MACF1: variants seen among roughly 807,000 people sequenced by gnomAD.
The protein encoded by MACF1 is microtubule-actin cross-linking factor 1.
MACF1 carries 193 observed loss-of-function variants against 854.8 expected under a neutral mutation model. That is an observed-to-expected ratio of 0.23 (90% CI 0.20 to 0.25). The LOEUF is 0.25. Among genes scored for constraint, MACF1 ranks in the 10% least tolerant of loss-of-function variants. The probability of loss-of-function intolerance (pLI) is 1.00; values close to 1 mark genes in which losing one functional copy is unlikely to be tolerated. For synonymous variants in MACF1, 3,185 were observed against 3,226.7 expected (o/e 0.99, Z 0.44); for missense variants, 7,722 against 8,929.1 (o/e 0.86, Z 5.45).
In MACF1 at chr1:39,337,215, G is replaced by A; in HGVS notation, c.10099G>A (p.Asp3367Asn). Reference sequence around the variant, plus strand: ...TACCCGGCAACTCTGTTTAGAACATGATGAAAAGCTAGTATCCTATCTGTC... The same window carrying A: ...TACCCGGCAACTCTGTTTAGAACATAATGAAAAGCTAGTATCCTATCTGTC... Reference protein sequence around the residue: ...VFTRQLCLEHDEKLVSYLSLL... With the variant: ...VFTRQLCLEHNEKLVSYLSLL... The change falls in exon 38 of 101, where the codon GAT becomes AAT. Residue 3367 changes from aspartate to asparagine, a missense_variant. By Grantham distance (23) the Asp-to-Asn change is conservative. Around this residue, in one of 15 missense-constraint regions of MACF1, gnomAD observed 854 missense variants for 852.6 expected, o/e 1.00. Transcript: ENST00000564288. 6.2e-7 allele frequency: 1 copy of A among 1,613,894 alleles called. No individual in the cohort carries two copies. The highest frequency in any genetic ancestry group is 8.5e-7 in the Non-Finnish European group (1 of 1,179,876).
intron 99 of MACF1, among the ~76,000 whole-genome samples, chr1:39,483,066 G>A (rs1297821377): frequency 5.3e-5 from 6 of 112,602 alleles, no homozygotes; most frequent in Admixed American, 1.2e-4. Context: ...CAGTCTGGGT[G>A]ATGGAGCAAG....
intron 6 of MACF1, among the ~76,000 whole-genome samples, chr1:39,273,717 A>T (rs1645374445): frequency 6.6e-6 from 1 of 151,908 alleles, no homozygotes; most frequent in Admixed American, 6.6e-5. Flanking sequence ...CCTGCCTCAG[A>T]GTAGCTGGGA....
chr1:39,269,386 C>T (rs928489084), intron 6 of MACF1: 19 of 1,289,720 alleles, frequency 1.5e-5, no homozygotes, highest in Middle Eastern at 2.1e-4. Context: ...AAGAGTGTTT[C>T]AGGTGCCCCT....
At chr1:39,373,167 A>G (rs933896880) in intron 52 of MACF1, 3 of 155,606 alleles carry the variant, frequency 1.9e-5, no homozygotes, top group East Asian at 1.9e-4. Context: ...TTAGCCAGGC[A>G]TGGTGGCGGG....
chr1:39,429,942 C>T lies in MACF1; in HGVS notation c.17004C>T (p.Ala5668=). 6.2e-7 allele frequency: 1 copy of T among 1,614,074 alleles called. No homozygotes were observed. Among genetic ancestry groups the T allele is most frequent in the South Asian group, 1.1e-5 (1 of 91,074 alleles). The part of the protein sequence containing the change: ...LRTLEQARQL[A]TKFQSTYEEL... ...CTTTAGAGCAAGCCCGGCAGCTGGCCACCAAGTTCCAGTCTACTTATGAGG... is the reference window on the plus strand; with the variant it reads ...CTTTAGAGCAAGCCCGGCAGCTGGCTACCAAGTTCCAGTCTACTTATGAGG... The change falls in exon 65 of 101, where the codon GCC becomes GCT. Residue 5668 remains alanine (A), a synonymous_variant. Coordinates refer to ENST00000564288, the MANE Select transcript of MACF1 (RefSeq NM_001394062.1).
At chr1:39,280,358 A>T (rs917289181) in intron 6 of MACF1, among the ~76,000 whole-genome samples, 1 of 152,116 alleles carries the variant, frequency 6.6e-6, no homozygotes, top group Non-Finnish European at 1.5e-5. Context: ...GTGATCAATG[A>T]TTCTCAGATT....
intron 6 of MACF1, among the ~76,000 whole-genome samples, chr1:39,273,178 C>T (rs1024709215): frequency 9.5e-5 from 14 of 148,084 alleles, no homozygotes; most frequent in East Asian, 5.9e-4. Context: ...GCTCTGTCAC[C>T]GAGGCTGCAG....
chr1:39,302,224 C>T (rs947339094), intron 22 of MACF1, among the ~76,000 whole-genome samples: 3 of 152,092 alleles, frequency 2.0e-5, no homozygotes, highest in Admixed American at 2.0e-4. Context: ...TCTTGAACTC[C>T]TGGGCTCAAG....
At chr1:39,368,027 T>G in intron 49 of MACF1, 121 bp from the exon 50 acceptor site, 2 of 642,558 alleles carry the variant, frequency 3.1e-6, no homozygotes, top group Non-Finnish European at 2.5e-6. Context: ...TTTCACTGAG[T>G]TGCATATTTA....
chr1:39,463,553 C>A, intron 93 of MACF1, 59 bp from the exon 94 acceptor site: 1 of 1,211,414 alleles, frequency 8.3e-7, no homozygotes, highest in Non-Finnish European at 1.2e-6. Flanking sequence ...ATCTTTGTTT[C>A]TCTGAATAGG....
rs2484748 is a variant in MACF1 at position 39,298,402 on chromosome 1, A to G, written c.2481+657A>G. ...GGAGTGCTGGTAATTAAATTAGCAG[A>G]AAGACTACTTATATTTAGTGAATGT... On this transcript the variant is annotated intron_variant, in intron 21 of 100. Coordinates refer to ENST00000564288, the MANE Select transcript of MACF1 (RefSeq NM_001394062.1). Among the ~76,000 whole-genome samples the G allele has an allele frequency of 7.0e-4, 107 of 152,336 alleles. 1 individual carries two copies. Among genetic ancestry groups the G allele is most frequent in the African/African-American group, 2.5e-3 (102 of 41,576 alleles).
At chr1:39,314,209 G>T (rs1646359801) in intron 26 of MACF1, among the ~76,000 whole-genome samples, 1 of 152,104 alleles carries the variant, frequency 6.6e-6, no homozygotes, top group South Asian at 2.1e-4. Context: ...AGGAGTTGGA[G>T]ACCAGCCTGG....
chr1:39,272,348 A>G (rs1316398371), intron 6 of MACF1, among the ~76,000 whole-genome samples: 3 of 152,206 alleles, frequency 2.0e-5, no homozygotes, highest in Non-Finnish European at 2.9e-5. Context: ...AGCCAGAGAA[A>G]CAGAGAGGGC....
intron 2 of MACF1, among the ~76,000 whole-genome samples, chr1:39,160,844 T>A (rs2148208036): frequency 6.6e-6 from 1 of 152,322 alleles, no homozygotes; most frequent in East Asian, 1.9e-4. Context: ...AGGTGAATGG[T>A]TACTTCCCTT....
At chr1:39,390,699 A>G (rs1641997697) in intron 58 of MACF1, among the ~76,000 whole-genome samples, 2 of 152,210 alleles carry the variant, frequency 1.3e-5, no homozygotes, top group Admixed American at 1.3e-4. Context: ...TTTCTTCTAC[A>G]GGTATGCTTC....
chr1:39,217,979 C>T (rs991307135), intron 1 of MACF1, among the ~76,000 whole-genome samples: 4 of 151,350 alleles, frequency 2.6e-5, no homozygotes, highest in African/African-American at 7.3e-5. Flanking sequence ...GTCAGGAGAT[C>T]GAGACCATCC....
chr1:39,440,981 T>C, intron 72 of MACF1, 22 bp from the exon 73 acceptor site: 1 of 1,614,010 alleles, frequency 6.2e-7, no homozygotes, highest in Non-Finnish European at 8.5e-7. Context: ...TTTTGGCTTA[T>C]ATTCTATTCG....
At chr1:39,260,314 T>C (rs1557549171) in intron 6 of MACF1, 2 of 152,078 alleles carry the variant, frequency 1.3e-5, no homozygotes, top group Non-Finnish European at 2.9e-5. Flanking sequence ...CTCTATTTAT[T>C]GACCACAGTC....
At chr1:39,159,753 A>G (rs2148206663) in intron 2 of MACF1, among the ~76,000 whole-genome samples, 1 of 152,116 alleles carries the variant, frequency 6.6e-6, no homozygotes, top group South Asian at 2.1e-4. Context: ...TTCCATTTGC[A>G]GAGGAGGGTG....
Sources: gnomAD v4.1 joint callset for allele counts (sites outside exome capture counted in the v4.1 genomes callset) on GRCh38, gnomAD v4.1.1 for gene constraint, gnomAD v4.1.1 regional missense constraint, MANE v1.5 for transcripts, NCBI Gene and HGNC (gene_info 2026-07-23, HGNC 2026-07-21) for gene names.